Variants in DLGAP1 observed in about 807,000 individuals in gnomAD.
DLGAP1 encodes disks large-associated protein 1.
Under a neutral mutation model 90.8 loss-of-function variants are expected in DLGAP1, and 11 were observed. That is an observed-to-expected ratio of 0.12 (90% CI 0.08 to 0.20). The LOEUF (loss-of-function observed/expected upper bound fraction) is 0.20. Among genes scored for constraint, DLGAP1 ranks in the 10% least tolerant of loss-of-function variants. The probability of loss-of-function intolerance (pLI) is 1.00; values close to 1 mark genes in which losing one functional copy is unlikely to be tolerated. For synonymous variants in DLGAP1, 558 were observed against 540.7 expected (o/e 1.03, Z -0.44); for missense variants, 1,050 against 1,333.8 (o/e 0.79, Z 3.31).
At chr18:4,064,708 C>CTATTTAG (rs1338355386) in intron 2 of DLGAP1, among the ~76,000 whole-genome samples, 1 of 151,716 alleles carries the variant, frequency 6.6e-6, no homozygotes, top group Non-Finnish European at 1.5e-5. Context: ...AAATAGCCTA[C>CTATTTAG]CAATAAAAAA....
chr18:4,010,789 C>T (rs868723691), intron 2 of DLGAP1, among the ~76,000 whole-genome samples: 2 of 151,930 alleles, frequency 1.3e-5, no homozygotes, highest in African/African-American at 2.4e-5. Context: ...CCCTTATTCT[C>T]ATTAATGAAT....
chr18:3,974,241 A>AT (rs1211925235), intron 3 of DLGAP1, among the ~76,000 whole-genome samples: 3 of 151,826 alleles, frequency 2.0e-5, no homozygotes, highest in Non-Finnish European at 2.9e-5. Context: ...CACCTGGCTA[A>AT]TTTTTTTGTA....
At chr18:3,524,538 A>G (rs1386799837) in intron 10 of DLGAP1, among the ~76,000 whole-genome samples, 3 of 152,218 alleles carry the variant, frequency 2.0e-5, no homozygotes, top group African/African-American at 7.2e-5. Context: ...CTTACTTTCT[A>G]TCTGTATTCA....
At chr18:3,643,539 T>A (rs1031112877) in intron 7 of DLGAP1, among the ~76,000 whole-genome samples, 1 of 151,830 alleles carries the variant, frequency 6.6e-6, no homozygotes, top group African/African-American at 2.4e-5. Context: ...GGCAGGCGCC[T>A]GTAGTTCCAG....
At chr18:3,990,529 T>G (rs1380939191) in intron 3 of DLGAP1, among the ~76,000 whole-genome samples, 7 of 150,882 alleles carry the variant, frequency 4.6e-5, no homozygotes, top group Admixed American at 2.0e-4. Flanking sequence ...ATATACCTAA[T>G]GCTAAATGAC....
intron 7 of DLGAP1, among the ~76,000 whole-genome samples, chr18:3,657,641 T>A (rs376077271): frequency 6.6e-6 from 1 of 150,730 alleles, no homozygotes; most frequent in Non-Finnish European, 1.5e-5. Context: ...CTTGCTCTGT[T>A]GCCCAGGCTG....
chr18:4,393,212 A>T (rs1347096152), intron 1 of DLGAP1, among the ~76,000 whole-genome samples: 6 of 152,208 alleles, frequency 3.9e-5, no homozygotes, highest in African/African-American at 7.2e-5. Context: ...AACACTTAAT[A>T]TAAAATCCTA....
intron 10 of DLGAP1, among the ~76,000 whole-genome samples, chr18:3,513,051 A>G (rs2050635045): frequency 6.6e-6 from 1 of 151,956 alleles, no homozygotes; most frequent in South Asian, 2.1e-4. Context: ...ACATCATGGC[A>G]CCCACCGTTC....
At chr18:3,804,364 A>T (rs1441792106) in intron 5 of DLGAP1, among the ~76,000 whole-genome samples, 1 of 152,228 alleles carries the variant, frequency 6.6e-6, no homozygotes, top group East Asian at 1.9e-4. Context: ...AGGACTAGTT[A>T]ATGCTGGTGC....
chr18:3,780,159 T>C (rs998946362), intron 5 of DLGAP1, among the ~76,000 whole-genome samples: 2 of 152,196 alleles, frequency 1.3e-5, no homozygotes, highest in African/African-American at 2.4e-5. Flanking sequence ...CATGCTCATA[T>C]GGAAAATGTA....
chr18:4,022,593 A>G lies in DLGAP1; in HGVS notation c.-158-17392T>C, dbSNP rs375205607. 7.0e-4 allele frequency among the ~76,000 whole-genome samples: 106 copies of G among 152,310 alleles called. 1 individual carries two copies. The South Asian group carries it at 0.021, about 30-fold the overall frequency. On this transcript the variant is annotated intron_variant, in intron 2 of 12. Transcript: ENST00000315677. Reference sequence around the variant, plus strand: ...AAGTGATTGCTTTTTACATTCCATCATATGCCATGCTATTCATACATTGGT... The same window carrying G: ...AAGTGATTGCTTTTTACATTCCATCGTATGCCATGCTATTCATACATTGGT...
chr18:3,962,396 T>C (rs1483713458), intron 3 of DLGAP1: 2 of 152,214 alleles, frequency 1.3e-5, no homozygotes, highest in East Asian at 3.8e-4. Context: ...TGAATTGCGA[T>C]GAAACATCTC....
chr18:4,298,067 G>T (rs2143192383), intron 1 of DLGAP1, among the ~76,000 whole-genome samples: 1 of 152,152 alleles, frequency 6.6e-6, no homozygotes, highest in Admixed American at 6.5e-5. Context: ...ACTGTGCAAG[G>T]CTAACCTGTT....
rs1424168523 is a variant in DLGAP1 at position 3,741,299 on chromosome 18, CCACATCA to C, written c.1350+1029_1350+1035del. ...ATCACCATCACCACCACCACCACCA[CCACATCA>C]CATCACCACCACCACCACCACCATC... On this transcript the variant is annotated intron_variant, in intron 6 of 12. Coordinates refer to ENST00000315677, the MANE Select transcript of DLGAP1 (RefSeq NM_004746.4). Among the ~76,000 whole-genome samples, 517 of 129,870 alleles carry C rather than the reference CCACATCA, an allele frequency of 4.0e-3. 11 individuals are homozygous for C. Among genetic ancestry groups the C allele is most frequent in the African/African-American group, 0.015 (480 of 32,174 alleles). The allele number at this position is 129,870 out of a possible 152,430, so 85.2% of individuals were successfully genotyped here. A position where few individuals can be genotyped will look rare whatever the true frequency, so the allele number is the denominator to read the frequency against.
intron 2 of DLGAP1, among the ~76,000 whole-genome samples, chr18:4,089,099 CAA>C (rs1166117884): frequency 6.6e-6 from 1 of 152,224 alleles, no homozygotes; most frequent in Non-Finnish European, 1.5e-5. Flanking sequence ...GCAACTTCAG[CAA>C]AGTCTCAGGA....
intron 7 of DLGAP1, chr18:3,602,882 T>C (rs955496279): frequency 2.0e-5 from 3 of 152,124 alleles, no homozygotes; most frequent in African/African-American, 7.2e-5. Context: ...AGGACGCAAA[T>C]ATATCCTGCG....
At chr18:4,113,907 G>A (rs2076016214) in intron 2 of DLGAP1, among the ~76,000 whole-genome samples, 1 of 152,098 alleles carries the variant, frequency 6.6e-6, no homozygotes, top group Non-Finnish European at 1.5e-5. Flanking sequence ...CTTTGTCAAA[G>A]ATCAGATGTC....
intron 5 of DLGAP1, among the ~76,000 whole-genome samples, chr18:3,772,984 T>G (rs1166477663): frequency 3.3e-5 from 5 of 152,226 alleles, no homozygotes; most frequent in African/African-American, 9.6e-5. Context: ...CATAATTAAC[T>G]TGGCAGAGCC....
At chr18:4,380,805 T>C (rs2082099260) in intron 1 of DLGAP1, among the ~76,000 whole-genome samples, 1 of 152,184 alleles carries the variant, frequency 6.6e-6, no homozygotes, top group South Asian at 2.1e-4. Flanking sequence ...TCTTTGTCAT[T>C]TGATCCACTG....
Sources: gnomAD v4.1 joint callset for allele counts (sites outside exome capture counted in the v4.1 genomes callset) on GRCh38, gnomAD v4.1.1 for gene constraint, MANE v1.5 for transcripts, NCBI Gene and HGNC (gene_info 2026-07-23, HGNC 2026-07-21) for gene names.